Variants in DNAH14 observed in about 807,000 individuals in gnomAD.
The protein encoded by DNAH14 is axonemal beta dynein heavy chain 14.
Under a neutral mutation model 520.9 loss-of-function variants are expected in DNAH14, and 478 were observed. That is an observed-to-expected ratio of 0.92 (90% CI 0.85 to 0.99). DNAH14 has a LOEUF of 0.99. Ranked by LOEUF, DNAH14 falls within the 50% of genes least tolerant of loss-of-function variation. DNAH14 has a pLI of 0.00. For missense variants in DNAH14, 4,831 were observed against 5,234.5 expected (o/e 0.92, Z 2.38); for synonymous variants, 1,581 against 1,757.2 (o/e 0.90, Z 2.51).
chr1:225,298,096 A>G (rs2094052129), intron 55 of DNAH14, among the ~76,000 whole-genome samples: 1 of 152,142 alleles, frequency 6.6e-6, no homozygotes, highest in Non-Finnish European at 1.5e-5. Context: ...ATGGCTGCTC[A>G]GCTGACCTGA....
intron 23 of DNAH14, among the ~76,000 whole-genome samples, chr1:225,109,523 C>A (rs2076327139): frequency 6.6e-6 from 1 of 151,990 alleles, no homozygotes; most frequent in Non-Finnish European, 1.5e-5. Context: ...TCACTCTTGG[C>A]ATATAGAAAT....
chr1:225,133,072 T>TC (rs1216689269), intron 27 of DNAH14, among the ~76,000 whole-genome samples: 1 of 151,798 alleles, frequency 6.6e-6, no homozygotes, highest in African/African-American at 2.4e-5. Context: ...TAATGGAGTT[T>TC]TTTTTCTCTT....
rs1459212614 is a variant in DNAH14 at position 225,346,175 on chromosome 1, T to C, written c.10892T>C (p.Leu3631Pro). 1.3e-6 allele frequency: 2 copies of C among 1,551,638 alleles called. No individual in the cohort carries two copies. Among genetic ancestry groups the C allele is most frequent in the Non-Finnish European group, 1.7e-6 (2 of 1,146,960 alleles). The change falls in exon 70 of 86, where the codon CTA becomes CCA. Residue 3631 changes from leucine (L) to proline (P), a missense_variant. Leu to Pro is a moderately conservative substitution (Grantham distance 98). Transcript: ENST00000682510. ...ATCAACTACATGTACCAGTTCTCCC[T>C]AGACTGGTTTCATCAGGTTTTTGTT... ...TQINYMYQFS[L>P]DWFHQVFVSS...
chr1:225,107,173 C>T (rs1043357071), intron 23 of DNAH14, among the ~76,000 whole-genome samples: 3 of 152,152 alleles, frequency 2.0e-5, no homozygotes, highest in Admixed American at 6.5e-5. Context: ...GTATCAGCAG[C>T]GGAGGCTGCA....
intron 36 of DNAH14, among the ~76,000 whole-genome samples, chr1:225,169,877 G>A (rs2082421369): frequency 6.6e-6 from 1 of 152,126 alleles, no homozygotes; most frequent in East Asian, 1.9e-4. Context: ...GAGAAAGGTC[G>A]GGTTACCCAC....
At chr1:225,153,653 C>A in intron 33 of DNAH14, 97 bp from the exon 34 acceptor site, 1 of 790,150 alleles carries the variant, frequency 1.3e-6, no homozygotes, top group Non-Finnish European at 2.0e-6. Context: ...CCCTGCAGAG[C>A]ATAGATTACC....
rs1572110026 is a variant in DNAH14, at chr1:224,966,799, T to TGAGTAGTTGAGATTA, written c.499-632_499-631insGAGTAGTTGAGATTA. On this transcript the variant is annotated intron_variant, in intron 5 of 85. Transcript: ENST00000682510. Reference sequence around the variant, plus strand: ...ACTCTTGGGCTCAAGTGACCTCACCTCAGCTTCCTGAGTAGTTGAGATTAC... The same window carrying TGAGTAGTTGAGATTA: ...ACTCTTGGGCTCAAGTGACCTCACCTGAGTAGTTGAGATTACAGCTTCCTGAGTAGTTGAGATTAC... Among the ~76,000 whole-genome samples, 13 of 152,284 alleles carry TGAGTAGTTGAGATTA rather than the reference T, an allele frequency of 8.5e-5. No homozygotes were observed. In the East Asian group the frequency reaches 2.1e-3, roughly 25 times the overall value.
intron 17 of DNAH14, among the ~76,000 whole-genome samples, chr1:225,059,174 G>C (rs1438151860): frequency 6.6e-6 from 1 of 152,110 alleles, no homozygotes; most frequent in African/African-American, 2.4e-5. Flanking sequence ...TCTCTTTGTA[G>C]GTCTCCAAGG....
intron 64 of DNAH14, among the ~76,000 whole-genome samples, chr1:225,327,227 G>C (rs2094693470): frequency 6.6e-6 from 1 of 151,544 alleles, no homozygotes; most frequent in South Asian, 2.1e-4. Flanking sequence ...GCGCGATCTC[G>C]GCTCACTGCA....
rs1288821324 is a variant in DNAH14, at chr1:225,380,302, C to G, written c.12860C>G (p.Ser4287Cys). ...KSMMSSSIWE[S>C]LSKNLKDHDP... is the part of the protein sequence containing the mutation. The stretch of plus-strand genomic sequence containing the variant: ...ATGATGTCAAGCTCCATTTGGGAGT[C>G]TCTTTCTAAAAATCTCAAAGGTGAG... The change falls in exon 80 of 86, where the codon TCT becomes TGT. Residue 4287 changes from serine (S) to cysteine (C), a missense_variant. By Grantham distance (112) the Ser-to-Cys change is moderately radical. Coordinates refer to ENST00000682510, the MANE Select transcript of DNAH14 (RefSeq NM_001367479.1). 4 of 1,551,250 alleles carry G rather than the reference C, an allele frequency of 2.6e-6. No homozygotes were observed. The highest frequency in any genetic ancestry group is 3.9e-5 in the Admixed American group (2 of 50,922).
chr1:225,281,195 A>G (rs561943131), intron 54 of DNAH14, among the ~76,000 whole-genome samples: 43 of 152,344 alleles, frequency 2.8e-4, no homozygotes, highest in African/African-American at 1.0e-3. Context: ...GTATGACTGC[A>G]TTACTTTCTG....
chr1:225,239,131 G>T (rs774850784), intron 42 of DNAH14, among the ~76,000 whole-genome samples: 35 of 152,310 alleles, frequency 2.3e-4, no homozygotes, highest in Admixed American at 5.9e-4. Context: ...GGGGCCCAGA[G>T]AACGATGCTG....
chr1:225,326,163 A>G (rs2094662669), intron 64 of DNAH14, among the ~76,000 whole-genome samples: 2 of 152,206 alleles, frequency 1.3e-5, no homozygotes, highest in African/African-American at 4.8e-5. Context: ...TCACAACAAC[A>G]TTTCAAAGTA....
rs542800676 is a variant in DNAH14 at position 225,154,808 on chromosome 1, C to CA, written c.5273+991dup. On this transcript the variant is annotated intron_variant, in intron 34 of 85. Coordinates refer to ENST00000682510, the MANE Select transcript of DNAH14 (RefSeq NM_001367479.1). ...ACTAAGACTCTAAATCTAGAAGCCACAAAAAAAAAGATTTATAAATGGTCA... is the reference window on the plus strand; with the variant it reads ...ACTAAGACTCTAAATCTAGAAGCCACAAAAAAAAAAGATTTATAAATGGTCA... Among the ~76,000 whole-genome samples, 1,230 of 147,514 alleles carry CA rather than the reference C, an allele frequency of 8.3e-3. 19 individuals carry two copies. The highest frequency in any genetic ancestry group is 0.028 in the African/African-American group (1,139 of 40,188).
intron 55 of DNAH14, among the ~76,000 whole-genome samples, chr1:225,300,314 T>C (rs2094114359): frequency 6.6e-6 from 1 of 152,200 alleles, no homozygotes; most frequent in South Asian, 2.1e-4. Context: ...TCACAGCTAT[T>C]TGGCATACTC....
In DNAH14 at chr1:225,096,151, G is replaced by A. The variant is rs571398410; in HGVS notation, c.3574-967G>A. On this transcript the variant is annotated intron_variant, in intron 21 of 85. Transcript: ENST00000682510. ...TGACTAATTTGTTGTTGTTGTTGTT[G>A]TTGTGTTTTTAGTGGAGACGGGGTT... 3.0e-4 allele frequency among the ~76,000 whole-genome samples: 46 copies of A among 151,748 alleles called. No homozygotes were observed. In the South Asian group the frequency reaches 9.4e-3, roughly 31 times the overall value.
At chr1:225,108,103 A>T (rs1043691412) in intron 23 of DNAH14, among the ~76,000 whole-genome samples, 2 of 152,184 alleles carry the variant, frequency 1.3e-5, no homozygotes, top group African/African-American at 4.8e-5. Flanking sequence ...TGCTAGGATA[A>T]AAACTGGCAG....
chr1:225,233,900 C>T (rs1484454545), intron 42 of DNAH14, among the ~76,000 whole-genome samples: 1 of 152,086 alleles, frequency 6.6e-6, no homozygotes, highest in Non-Finnish European at 1.5e-5. Flanking sequence ...AGATTTTCTT[C>T]TAGGGTTTTT....
intron 8 of DNAH14, among the ~76,000 whole-genome samples, chr1:224,991,857 A>C (rs1311165363): frequency 1.3e-5 from 2 of 152,184 alleles, no homozygotes; most frequent in Non-Finnish European, 2.9e-5. Flanking sequence ...TGCAATGAAC[A>C]TACGCGAAAA....
Sources: allele counts gnomAD v4.1 joint callset (sites outside exome capture counted in the v4.1 genomes callset), GRCh38; gene constraint gnomAD v4.1.1; transcripts MANE v1.5; gene names NCBI Gene and HGNC (gene_info 2026-07-23, HGNC 2026-07-21).